GGA1: variants seen among roughly 807,000 people sequenced by gnomAD.
GGA1 encodes the protein golgi associated, gamma adaptin ear containing, ARF binding protein 1, also known as ADP-ribosylation factor-binding protein GGA1.
GGA1 carries 18 observed loss-of-function variants against 76.9 expected under a neutral mutation model. The ratio of observed to expected loss-of-function variants is 0.23; its 90% CI spans 0.16 to 0.35. The LOEUF (loss-of-function observed/expected upper bound fraction) is 0.35. GGA1 is among the 10% of genes least tolerant of loss of function. The pLI, the probability that GGA1 is intolerant of heterozygous loss-of-function variation, is 1.00. For synonymous variants in GGA1, 342 were observed against 354.7 expected, an observed-to-expected ratio of 0.96 and a Z score of 0.40; for missense variants, 755 against 859.0, an observed-to-expected ratio of 0.88 and a Z score of 1.51.
rs941752491 is a variant in GGA1 at position 37,632,835 on chromosome 22, TCCCCACACCCC to T, written c.*125_*135del. The T allele has an allele frequency of 9.1e-6, 6 of 656,142 alleles. No individual in the cohort carries two copies. The highest frequency in any genetic ancestry group is 1.7e-5 in the Non-Finnish European group (6 of 359,808). The allele number at this position is 656,142 out of a possible 1,614,324, so 40.6% of individuals were successfully genotyped here. On this transcript the variant is annotated 3_prime_UTR_variant, in exon 17 of 17. Transcript: ENST00000343632. The surrounding 1 kb of genome is among the most constrained non-coding windows in gnomAD (Gnocchi z 5.1). ...CATTCACCCCCAGGCCTGGTGCTTCTCCCCACACCCCTGTAGGCCTCAAGTGACTCTTCCCC... is the reference window on the plus strand; with the variant it reads ...CATTCACCCCCAGGCCTGGTGCTTCTTGTAGGCCTCAAGTGACTCTTCCCC...
At position 37,632,587 on chromosome 22, in the gene GGA1, C is replaced by A; in HGVS notation, c.1810-14C>A. The A allele has an allele frequency of 6.2e-7, 1 of 1,602,526 alleles. No homozygotes were observed. Among genetic ancestry groups the A allele is most frequent in the Non-Finnish European group, 8.6e-7 (1 of 1,169,526 alleles). ...CCTCCTCTGACCCCTCTGCCTTTGC[C>A]ATCTCTTCCCCAGGAGAAGGTTCGC... On this transcript the variant is annotated splice_polypyrimidine_tract_variant and intron_variant, in intron 16 of 16. Coordinates refer to ENST00000343632, the MANE Select transcript of GGA1 (RefSeq NM_013365.5). The surrounding 1 kb of genome is among the most constrained non-coding windows in gnomAD (Gnocchi z 5.1).
intron 1 of GGA1, among the ~76,000 whole-genome samples, chr22:37,611,765 G>C (rs920639858): frequency 3.3e-5 from 5 of 152,252 alleles, no homozygotes; most frequent in African/African-American, 1.2e-4. Context: ...TGGCTGGGAA[G>C]GGGTGGTCCT....
Position 37,632,652 on chromosome 22 carries a change from TACA to T in GGA1, c.1864_1866del (p.Asn622del). ...CACCTTCACCATGGGTGACCAGACCTACAACGAGATGGGGGATGTGGACCAGTT... is the reference window on the plus strand; with the variant it reads ...CACCTTCACCATGGGTGACCAGACCTACGAGATGGGGGATGTGGACCAGTT... On this transcript the variant is annotated inframe_deletion, in exon 17 of 17. Transcript: ENST00000343632. The surrounding 1 kb of genome is among the most constrained non-coding windows in gnomAD (Gnocchi z 5.1). 6.2e-7 allele frequency: 1 copy of T among 1,613,448 alleles called. No individual in the cohort carries two copies. Among genetic ancestry groups the T allele is most frequent in the Non-Finnish European group, 8.5e-7 (1 of 1,179,568 alleles).
chr22:37,617,147 G>C (rs1928964934), intron 3 of GGA1, 150 bp downstream of exon 3: 2 of 1,485,554 alleles, frequency 1.3e-6, no homozygotes, highest in South Asian at 2.7e-5. Context: ...CCTGCCCCAA[G>C]GGTCCCACCA....
chr22:37,632,181 G>A lies in GGA1; in HGVS notation c.1698+16G>A, dbSNP rs1441295688. On this transcript the variant is annotated intron_variant, in intron 15 of 16. Coordinates refer to ENST00000343632, the MANE Select transcript of GGA1 (RefSeq NM_013365.5). The surrounding 1 kb of genome is among the most constrained non-coding windows in gnomAD (Gnocchi z 5.1). Reference sequence around the variant, plus strand: ...TGTCCCCAAGGTGACAAGCCAGTCGGACAGGGCATGCCTCCCTCCTCTCAA... The same window carrying A: ...TGTCCCCAAGGTGACAAGCCAGTCGAACAGGGCATGCCTCCCTCCTCTCAA... 5.0e-6 allele frequency: 8 copies of A among 1,602,460 alleles called. No individual in the cohort carries two copies. The highest frequency in any genetic ancestry group is 6.8e-6 in the Non-Finnish European group (8 of 1,171,568).
intron 11 of GGA1, chr22:37,626,222 A>G (rs987234358): frequency 4.7e-5 from 16 of 337,140 alleles, no homozygotes; most frequent in African/African-American, 3.2e-4. Context: ...GCCTGGGGGG[A>G]AACCAGGGGA....
chr22:37,629,342 C>T, intron 11 of GGA1, 120 bp from the exon 12 acceptor site: 1 of 676,782 alleles, frequency 1.5e-6, no homozygotes, highest in Non-Finnish European at 2.5e-6. Flanking sequence ...GGGTTTCTCC[C>T]CTCCGTGCTG....
chr22:37,632,084 CGT>C lies in GGA1; in HGVS notation c.1619_1620del (p.Val540AlafsTer44), dbSNP rs1568996783. On this transcript the variant is annotated frameshift_variant, in exon 15 of 17. Transcript: ENST00000343632. LOFTEE classifies it high-confidence loss of function. The surrounding 1 kb of genome is among the most constrained non-coding windows in gnomAD (Gnocchi z 5.1). ...GGGACCCACTGCCAGGGCGCTCCGACGTGCTGGTGGTGGTGGTTTCCATGCTG... is the reference window on the plus strand; with the variant it reads ...GGGACCCACTGCCAGGGCGCTCCGACGCTGGTGGTGGTGGTTTCCATGCTG... Reference protein sequence around the residue: ...ARDPLPGRSDVLVVVVSMLST... With the variant: ...ARDPLPGRSDXLVVVVSMLST... 1 of 1,613,678 alleles carries C rather than the reference CGT, an allele frequency of 6.2e-7. No homozygotes were observed. Among genetic ancestry groups the C allele is most frequent in the Non-Finnish European group, 8.5e-7 (1 of 1,179,946 alleles).
intron 2 of GGA1, among the ~76,000 whole-genome samples, chr22:37,615,841 C>G (rs1049945808): frequency 6.7e-6 from 1 of 148,676 alleles, no homozygotes; most frequent in African/African-American, 2.6e-5. Context: ...AGTGGACATT[C>G]TTTTTATTTT....
chr22:37,632,060 G>A lies in GGA1; in HGVS notation c.1593G>A (p.Arg531=). Residue 531 remains arginine (R), a synonymous_variant, in exon 15 of 17, where the codon CGG becomes CGA. Coordinates refer to ENST00000343632, the MANE Select transcript of GGA1 (RefSeq NM_013365.5). This position sits in a 1 kb window ranked among gnomAD's most constrained non-coding sequence, Gnocchi z 5.1. The part of the protein sequence containing the change: ...HGFRILFHFA[R]DPLPGRSDVL... ...TCCGCATCCTCTTCCATTTTGCCCG[G>A]GACCCACTGCCAGGGCGCTCCGACG... is the stretch of plus-strand genomic sequence containing the variant. 4 of 1,613,700 alleles carry A rather than the reference G, an allele frequency of 2.5e-6. No homozygotes were observed. The highest frequency in any genetic ancestry group is 3.4e-6 in the Non-Finnish European group (4 of 1,179,940).
intron 2 of GGA1, 130 bp from the exon 3 acceptor site, chr22:37,616,792 G>A (rs1048306920): frequency 7.8e-6 from 9 of 1,160,798 alleles, no homozygotes; most frequent in Admixed American, 3.3e-5. Context: ...GCGGGCTGGG[G>A]TGGTGACCCT....
rs768609545 is a variant in GGA1, at chr22:37,630,920, C to T, written c.1349C>T (p.Thr450Ile). 6.2e-7 allele frequency: 1 copy of T among 1,608,020 alleles called. No homozygotes were observed. The highest frequency in any genetic ancestry group is 1.1e-5 in the South Asian group (1 of 90,568). Reference sequence around the variant, plus strand: ...CGATTAAGGGAGAAGCAGCAGCCAACCCCCCGGCTCACACTCCGGGACCTG... The same window carrying T: ...CGATTAAGGGAGAAGCAGCAGCCAATCCCCCGGCTCACACTCCGGGACCTG... ...QQVRWEKQQPTPRLTLRDLQN... is the reference protein window; with the variant it reads ...QQVRWEKQQPIPRLTLRDLQN... The change falls in exon 14 of 17, where the codon ACC becomes ATC. Residue 450 changes from threonine to isoleucine, a missense_variant. By Grantham distance (89) the Thr-to-Ile change is moderately conservative. Coordinates refer to ENST00000343632, the MANE Select transcript of GGA1 (RefSeq NM_013365.5).
At chr22:37,621,803 C>T (rs1601531746) in intron 7 of GGA1, 107 bp downstream of exon 7, 1 of 697,942 alleles carries the variant, frequency 1.4e-6, no homozygotes, top group Non-Finnish European at 2.4e-6. Context: ...CCTGCAGTGA[C>T]CCGGGCTGGC....
In GGA1 at chr22:37,632,115, A is replaced by G; in HGVS notation, c.1648A>G (p.Thr550Ala). The change falls in exon 15 of 17, where the codon ACC becomes GCC. Residue 550 changes from threonine to alanine, a missense_variant. Physicochemically the swap from Thr to Ala is moderately conservative, Grantham distance 58 (BLOSUM62 0). Coordinates refer to ENST00000343632, the MANE Select transcript of GGA1 (RefSeq NM_013365.5). This position sits in a 1 kb window ranked among gnomAD's most constrained non-coding sequence, Gnocchi z 5.1. ...GGTGGTGGTGGTTTCCATGCTGAGC[A>G]CCGCCCCCCAGCCCATCCGCAACAT... ...VLVVVVSMLS[T>A]APQPIRNIVF... is the part of the protein sequence containing the mutation. 3 of 1,613,610 alleles carry G rather than the reference A, an allele frequency of 1.9e-6. No homozygotes were observed. The highest frequency in any genetic ancestry group is 2.5e-6 in the Non-Finnish European group (3 of 1,179,910).
rs776085075 is a variant in GGA1, at chr22:37,629,966, G to A, written c.1159-32G>A. ...GGTGATGCTGACACCTCTCTAGACA[G>A]CCCCACCCCACCTGCATCCTTTTCC... On this transcript the variant is annotated intron_variant, in intron 12 of 16. Coordinates refer to ENST00000343632, the MANE Select transcript of GGA1 (RefSeq NM_013365.5). The A allele has an allele frequency of 1.3e-5, 19 of 1,483,612 alleles. No individual in the cohort carries two copies. In the South Asian group the frequency reaches 2.4e-4, roughly 19 times the overall value. 91.9% of individuals were successfully genotyped at this position (1,483,612 alleles called of 1,614,324 possible).
At chr22:37,610,752 G>A (rs1168504666) in intron 1 of GGA1, 1 of 152,254 alleles carries the variant, frequency 6.6e-6, no homozygotes, top group Admixed American at 6.5e-5. Flanking sequence ...GTCTTACCCT[G>A]TTGTGAAACA....
Position 37,614,234 on chromosome 22 carries a change from A to G in GGA1, c.88A>G (p.Ile30Val). Residue 30 changes from isoleucine (I) to valine (V), a missense_variant, in exon 2 of 17, where the codon ATC (isoleucine) becomes GTC (valine). Ile to Val is a conservative substitution (Grantham distance 29). Coordinates refer to ENST00000343632, the MANE Select transcript of GGA1 (RefSeq NM_013365.5). The stretch of plus-strand genomic sequence containing the variant: ...GAACAAGGAGCTCGACTGGGCCAGC[A>G]TCAACGGCTTCTGCGAGCAGCTCAA... Reference protein sequence around the residue: ...PLNKELDWASINGFCEQLNED... With the variant: ...PLNKELDWASVNGFCEQLNED... 6.2e-7 allele frequency: 1 copy of G among 1,613,936 alleles called. No homozygotes were observed. The highest frequency in any genetic ancestry group is 8.5e-7 in the Non-Finnish European group (1 of 1,179,912).
In GGA1 at chr22:37,630,031, C is replaced by G. The variant is rs748483973; in HGVS notation, c.1192C>G (p.Leu398Val). ...SDATEPPAPA[L>V]AQAPSMESRP... is the part of the protein sequence containing the mutation. ...TGCCACTGAGCCCCCAGCCCCTGCT[C>G]TGGCCCAGGCCCCCAGTATGGAAAG... Residue 398 changes from leucine to valine, a missense_variant, in exon 13 of 17, where the codon CTG becomes GTG. Physicochemically the swap from Leu to Val is conservative, Grantham distance 32 (BLOSUM62 1). Transcript: ENST00000343632. 8 of 1,592,904 alleles carry G rather than the reference C, an allele frequency of 5.0e-6. No homozygotes were observed. Among genetic ancestry groups the G allele is most frequent in the South Asian group, 1.1e-5 (1 of 89,122 alleles).
chr22:37,613,745 T>G (rs1016391217), intron 1 of GGA1, among the ~76,000 whole-genome samples: 6 of 152,148 alleles, frequency 3.9e-5, no homozygotes, highest in Non-Finnish European at 8.8e-5. Context: ...TGTCACACGT[T>G]ATTGAGAACC....
Sources: allele counts gnomAD v4.1 joint callset (sites outside exome capture counted in the v4.1 genomes callset), GRCh38; gene constraint gnomAD v4.1.1; non-coding constraint Gnocchi (gnomAD v3.1); transcripts MANE v1.5; gene names NCBI Gene and HGNC (gene_info 2026-07-23, HGNC 2026-07-21).